KANSL1: variants seen among roughly 807,000 people sequenced by gnomAD.
KANSL1 encodes KAT8 regulatory NSL complex subunit 1.
Under a neutral mutation model 103.6 loss-of-function variants are expected in KANSL1, and 22 were observed. The observed-to-expected ratio is 0.21, with a 90% CI of 0.15 to 0.30. KANSL1 has a LOEUF of 0.30. KANSL1 is among the 10% of genes least tolerant of loss of function. The pLI is 1.00. For missense variants in KANSL1, 1,337 were observed against 1,399.8 expected, an observed-to-expected ratio of 0.96 and a Z score of 0.72; for synonymous variants, 600 against 527.6, an observed-to-expected ratio of 1.14 and a Z score of -1.88.
chr17:46,038,708 A>G, intron 9 of KANSL1, 22 bp from the exon 10 acceptor site: 1 of 1,613,852 alleles, frequency 6.2e-7, no homozygotes, highest in Non-Finnish European at 8.5e-7. Flanking sequence ...AACAGAAAAG[A>G]GAGAAATACA....
chr17:46,186,207 C>G (rs1300570340), intron 1 of KANSL1, among the ~76,000 whole-genome samples: 2 of 146,782 alleles, frequency 1.4e-5, no homozygotes, highest in African/African-American at 2.5e-5. Context: ...AACCCCGTCT[C>G]TACTAAAATG....
At chr17:46,175,095 C>G (rs2696667) in intron 1 of KANSL1, among the ~76,000 whole-genome samples, 18,081 of 149,944 alleles carry the variant, frequency 0.12, 22 homozygotes, top group Middle Eastern at 0.19. Context: ...TAAGCACCCC[C>G]CTCCCTGCCC....
chr17:46,038,648 A>C lies in KANSL1; in HGVS notation c.2431T>G (p.Leu811Val). The C allele has an allele frequency of 6.2e-7, 1 of 1,614,192 alleles. No individual in the cohort carries two copies. The highest frequency in any genetic ancestry group is 1.6e-4 in the Middle Eastern group (1 of 6,062). ...HHTDMSSSSYLAATHHPPHSP... is the reference protein window; with the variant it reads ...HHTDMSSSSYVAATHHPPHSP... ...TGTGGAGGATGGTGGGTGGCTGCCA[A>C]GTAGCTCGAACTGCTCATGTCTGTG... The change falls in exon 10 of 15, where the codon TTG becomes GTG. Residue 811 changes from leucine to valine, a missense_variant. This residue lies in a region of KANSL1 where 780 missense variants were observed against 923.4 expected (regional missense o/e 0.84). Transcript: ENST00000432791.
At chr17:46,213,737 G>A (rs1056816012) in intron 1 of KANSL1, among the ~76,000 whole-genome samples, 3 of 151,526 alleles carry the variant, frequency 2.0e-5, no homozygotes, top group Admixed American at 2.0e-4. Context: ...GGCCAACATG[G>A]TGAAACCCTG....
intron 2 of KANSL1, among the ~76,000 whole-genome samples, chr17:46,106,003 C>T (rs959432137): frequency 5.3e-5 from 8 of 152,172 alleles, no homozygotes; most frequent in African/African-American, 1.9e-4. Context: ...CAGGGTCCCC[C>T]TTTCATCCCT....
At position 46,171,374 on chromosome 17, in the gene KANSL1, T is replaced by A. The variant is rs2046278654; in HGVS notation, c.770A>T (p.Asn257Ile). 6.2e-6 allele frequency: 10 copies of A among 1,614,126 alleles called. No homozygotes were observed. The East Asian group carries it at 2.2e-4, about 36-fold the overall frequency. The change falls in exon 2 of 15, where the codon AAC (asparagine) becomes ATC (isoleucine). Residue 257 changes from asparagine to isoleucine, a missense_variant. Coordinates refer to ENST00000432791, the MANE Select transcript of KANSL1 (RefSeq NM_015443.4). ...RLSPGTDSSS[N>I]LGGVKLEGKK... Reference sequence around the variant, plus strand: ...ACCCTCCAATTTGACACCCCCCAAGTTAGAGCTGGAGTCTGTACCAGGTGA... The same window carrying A: ...ACCCTCCAATTTGACACCCCCCAAGATAGAGCTGGAGTCTGTACCAGGTGA...
intron 4 of KANSL1, among the ~76,000 whole-genome samples, chr17:46,068,891 G>A (rs1024119796): frequency 1.5e-4 from 23 of 152,142 alleles, no homozygotes; most frequent in African/African-American, 5.3e-4. Flanking sequence ...TCTAGCAATT[G>A]TTGAACTATC....
At chr17:46,140,849 G>A (rs1359860630) in intron 2 of KANSL1, among the ~76,000 whole-genome samples, 1 of 152,140 alleles carries the variant, frequency 6.6e-6, no homozygotes, top group Non-Finnish European at 1.5e-5. Flanking sequence ...TGACTAGCAT[G>A]GCTATAATTA....
intron 7 of KANSL1, among the ~76,000 whole-genome samples, chr17:46,048,096 T>C (rs889447069): frequency 6.6e-6 from 1 of 151,780 alleles, no homozygotes; most frequent in African/African-American, 2.4e-5. Flanking sequence ...TTAGTAGAGA[T>C]AGGGTTTTGC....
Position 46,031,283 on chromosome 17 carries a change from C to T in KANSL1, c.*193G>A, listed in dbSNP as rs1211367233. 1 of 639,560 alleles carries T rather than the reference C, an allele frequency of 1.6e-6. No individual in the cohort carries two copies. Among genetic ancestry groups the T allele is most frequent in the African/African-American group, 1.8e-5 (1 of 54,156 alleles). 39.6% of individuals were successfully genotyped at this position (639,560 alleles called of 1,614,324 possible). ...CGGGAGGAAGTGCTCAGGTGTGTGACAAGAAAACATGGAAACAAAAACAAA... is the reference window on the plus strand; with the variant it reads ...CGGGAGGAAGTGCTCAGGTGTGTGATAAGAAAACATGGAAACAAAAACAAA... On this transcript the variant is annotated 3_prime_UTR_variant, in exon 15 of 15. Coordinates refer to ENST00000432791, the MANE Select transcript of KANSL1 (RefSeq NM_015443.4).
chr17:46,053,015 T>TG (rs1555739724), intron 6 of KANSL1, among the ~76,000 whole-genome samples: 1 of 116,940 alleles, frequency 8.6e-6, no homozygotes, highest in Admixed American at 9.8e-5. Context: ...AGGCTGCGCA[T>TG]GGTGGCTCAC....
chr17:46,124,294 C>T (rs1207711476), intron 2 of KANSL1, among the ~76,000 whole-genome samples: 1 of 152,180 alleles, frequency 6.6e-6, no homozygotes, highest in Non-Finnish European at 1.5e-5. Flanking sequence ...ATAAATGAAA[C>T]AACAAAGCCA....
chr17:46,116,265 T>C (rs2043042379), intron 2 of KANSL1, among the ~76,000 whole-genome samples: 1 of 152,248 alleles, frequency 6.6e-6, no homozygotes, highest in African/African-American at 2.4e-5. Context: ...GCGCAGTGGC[T>C]CACGCCTGTA....
At chr17:46,078,871 C>G (rs991984837) in intron 4 of KANSL1, among the ~76,000 whole-genome samples, 1 of 152,108 alleles carries the variant, frequency 6.6e-6, no homozygotes, top group Non-Finnish European at 1.5e-5. Flanking sequence ...AAGGGCACAC[C>G]CTCTTTGTTC....
intron 1 of KANSL1, among the ~76,000 whole-genome samples, chr17:46,218,480 T>C (rs1437139286): frequency 3.9e-5 from 6 of 152,206 alleles, no homozygotes; most frequent in Non-Finnish European, 7.3e-5. Flanking sequence ...GAGGAGCTAT[T>C]ATTAACAGTA....
chr17:46,050,767 G>A, intron 6 of KANSL1, 63 bp from the exon 7 acceptor site: 1 of 1,476,126 alleles, frequency 6.8e-7, no homozygotes, highest in South Asian at 1.2e-5. Context: ...CTACCCATTT[G>A]TTATCCCCAT....
At chr17:46,040,581 A>AT (rs1431459387) in intron 7 of KANSL1, 1 of 152,274 alleles carries the variant, frequency 6.6e-6, no homozygotes, top group Admixed American at 6.5e-5. Context: ...ATTTAAAGCT[A>AT]TTCAATTCTT....
chr17:46,179,904 A>G (rs1195966949), intron 1 of KANSL1, among the ~76,000 whole-genome samples: 1 of 151,814 alleles, frequency 6.6e-6, no homozygotes, highest in Non-Finnish European at 1.5e-5. Context: ...CTCTACTAAA[A>G]TTACCAAAAA....
chr17:46,142,479 G>T (rs1196420738), intron 2 of KANSL1, among the ~76,000 whole-genome samples: 1 of 152,014 alleles, frequency 6.6e-6, no homozygotes. Context: ...TTAATAAGGG[G>T]GGCATAAGGG....
Sources: allele counts gnomAD v4.1 joint callset (sites outside exome capture counted in the v4.1 genomes callset), GRCh38; gene constraint gnomAD v4.1.1; regional missense constraint gnomAD v4.1.1; transcripts MANE v1.5; gene names NCBI Gene and HGNC (gene_info 2026-07-23, HGNC 2026-07-21).